The following FMN2 variants were observed in gnomAD, a reference collection of about 807,000 sequenced individuals.
The protein encoded by FMN2 is formin 2.
Under a neutral mutation model 142.3 loss-of-function variants are expected in FMN2, and 51 were observed. That is an observed-to-expected ratio of 0.36 (90% CI 0.29 to 0.45). FMN2 has a LOEUF of 0.45. Among genes scored for constraint, FMN2 ranks in the 20% least tolerant of loss-of-function variants. The pLI is 1.00. For missense variants in FMN2, 1,936 were observed against 2,122.8 expected (o/e 0.91, Z 1.73); for synonymous variants, 882 against 869.8 (o/e 1.01, Z -0.25).
In FMN2 at chr1:240,385,940, G is replaced by A. The variant is rs183817411; in HGVS notation, c.4859-6571G>A. 2.5e-3 allele frequency among the ~76,000 whole-genome samples: 376 copies of A among 152,218 alleles called. 5 individuals are homozygous for A. Among genetic ancestry groups the A allele is most frequent in the African/African-American group, 8.7e-3 (360 of 41,536 alleles). On this transcript the variant is annotated intron_variant, in intron 14 of 17. Transcript: ENST00000319653. ...AACCCTCAGTATTAAATAAAAGGTAGCTGTAAATTATTGCAAAAGTCAGGT... is the reference window on the plus strand; with the variant it reads ...AACCCTCAGTATTAAATAAAAGGTAACTGTAAATTATTGCAAAAGTCAGGT...
chr1:240,249,235 T>A (rs998795241), intron 6 of FMN2, among the ~76,000 whole-genome samples: 2 of 152,172 alleles, frequency 1.3e-5, no homozygotes, highest in African/African-American at 2.4e-5. Context: ...GTTTCGAGTC[T>A]TGCCTTTAAG....
At chr1:240,102,046 CT>C (rs1222799666) in intron 1 of FMN2, among the ~76,000 whole-genome samples, 1 of 152,100 alleles carries the variant, frequency 6.6e-6, no homozygotes, top group Non-Finnish European at 1.5e-5. Context: ...TATTAATTCT[CT>C]TACTTCAATA....
intron 7 of FMN2, among the ~76,000 whole-genome samples, chr1:240,285,508 G>A (rs533740630): frequency 6.6e-6 from 1 of 152,050 alleles, no homozygotes; most frequent in African/African-American, 2.4e-5. Flanking sequence ...CACCAAGGCG[G>A]TGAGTGTAGA....
At chr1:240,348,305 T>C (rs1671980250) in intron 13 of FMN2, among the ~76,000 whole-genome samples, 1 of 150,468 alleles carries the variant, frequency 6.6e-6, no homozygotes, top group African/African-American at 2.5e-5. Context: ...CACTGCAACC[T>C]CTGCCTCCCG....
At chr1:240,406,074 TG>T (rs1260442237) in intron 15 of FMN2, among the ~76,000 whole-genome samples, 10 of 79,526 alleles carry the variant, frequency 1.3e-4, no homozygotes, top group Admixed American at 1.6e-4. Flanking sequence ...GCCTCAGGAG[TG>T]GGGGGAGCGA....
chr1:240,400,951 C>A (rs557368959), intron 15 of FMN2: 217 of 152,096 alleles, frequency 1.4e-3, no homozygotes, highest in Non-Finnish European at 2.4e-3. Flanking sequence ...GGTGAAATCC[C>A]ATCTCTACTA....
chr1:240,426,857 G>T (rs1674954257), intron 15 of FMN2, among the ~76,000 whole-genome samples: 1 of 151,854 alleles, frequency 6.6e-6, no homozygotes, highest in African/African-American at 2.4e-5. Context: ...TCCTGCCTCA[G>T]CCTCCCAGGT....
At chr1:240,180,374 T>G (rs2103328303) in intron 3 of FMN2, among the ~76,000 whole-genome samples, 1 of 152,236 alleles carries the variant, frequency 6.6e-6, no homozygotes, top group East Asian at 1.9e-4. Context: ...CACTCTCTTC[T>G]AATCAGTCAG....
intron 5 of FMN2, among the ~76,000 whole-genome samples, chr1:240,209,558 A>G (rs1666601743): frequency 6.7e-6 from 1 of 150,268 alleles, no homozygotes; most frequent in South Asian, 2.1e-4. Context: ...ACGGCCGCAA[A>G]TCAAATTCTT....
At chr1:240,407,332 T>C (rs140012036) in intron 15 of FMN2, among the ~76,000 whole-genome samples, 4,239 of 152,146 alleles carry the variant, frequency 0.028, 212 homozygotes, top group African/African-American at 0.097. Flanking sequence ...AGAGACAGGG[T>C]TTCACCATGT....
At chr1:240,254,532 A>G (rs980331320) in intron 6 of FMN2, among the ~76,000 whole-genome samples, 1 of 151,956 alleles carries the variant, frequency 6.6e-6, no homozygotes, top group Non-Finnish European at 1.5e-5. Flanking sequence ...GGTAAGTAGG[A>G]TAGGGGTGGA....
At chr1:240,112,353 A>G (rs1190569835) in intron 1 of FMN2, among the ~76,000 whole-genome samples, 1 of 151,986 alleles carries the variant, frequency 6.6e-6, no homozygotes, top group Non-Finnish European at 1.5e-5. Context: ...GTTGGTCTCG[A>G]TCTCTTGACC....
At chr1:240,141,492 C>T (rs886791769) in intron 2 of FMN2, among the ~76,000 whole-genome samples, 3 of 151,990 alleles carry the variant, frequency 2.0e-5, no homozygotes, top group African/African-American at 4.8e-5. Context: ...CTCAGCCTCC[C>T]GAGTAGCTGG....
intron 1 of FMN2, among the ~76,000 whole-genome samples, chr1:240,097,367 T>C (rs1169860526): frequency 6.6e-6 from 1 of 151,330 alleles, no homozygotes; most frequent in East Asian, 1.9e-4. Flanking sequence ...CTTTTTTTTT[T>C]TTTTTTGAGA....
intron 7 of FMN2, among the ~76,000 whole-genome samples, chr1:240,260,176 A>G (rs1257239227): frequency 6.6e-6 from 1 of 152,174 alleles, no homozygotes; most frequent in Admixed American, 6.5e-5. Flanking sequence ...GGCTGGTTCC[A>G]TATTTTTGCA....
At chr1:240,150,558 A>G (rs1196361274) in intron 2 of FMN2, among the ~76,000 whole-genome samples, 3 of 152,202 alleles carry the variant, frequency 2.0e-5, no homozygotes, top group Non-Finnish European at 4.4e-5. Flanking sequence ...AAGTCCAGCT[A>G]AAGAGTACTG....
At chr1:240,157,870 C>G (rs1030758054) in intron 2 of FMN2, among the ~76,000 whole-genome samples, 1 of 151,220 alleles carries the variant, frequency 6.6e-6, no homozygotes. Context: ...GACGTGGTGG[C>G]TCACTCCTGT....
intron 4 of FMN2, among the ~76,000 whole-genome samples, chr1:240,204,148 A>G (rs1666237096): frequency 6.6e-6 from 1 of 151,970 alleles, no homozygotes; most frequent in Non-Finnish European, 1.5e-5. Flanking sequence ...TTTTTTAACA[A>G]TAGAAAATTA....
At chr1:240,360,999 A>G (rs1672443513) in intron 14 of FMN2, among the ~76,000 whole-genome samples, 1 of 151,712 alleles carries the variant, frequency 6.6e-6, no homozygotes, top group African/African-American at 2.4e-5. Flanking sequence ...GAGGGATAGC[A>G]TTAGGAGATA....
Sources: gnomAD v4.1 joint callset for allele counts (sites outside exome capture counted in the v4.1 genomes callset) on GRCh38, gnomAD v4.1.1 for gene constraint, MANE v1.5 for transcripts, NCBI Gene and HGNC (gene_info 2026-07-23, HGNC 2026-07-21) for gene names.